Variants in RBFOX1 observed in about 807,000 individuals in gnomAD.
RBFOX1 encodes RNA binding fox-1 homolog 1.
In RBFOX1, 8 loss-of-function variants were observed where a neutral mutation model predicts 57.7. The ratio of observed to expected loss-of-function variants is 0.14; its 90% CI spans 0.08 to 0.25. The LOEUF (loss-of-function observed/expected upper bound fraction) is 0.25, where lower values mean the gene tolerates loss of function less well. Among genes scored for constraint, RBFOX1 ranks in the 10% least tolerant of loss-of-function variants. RBFOX1 has a pLI of 1.00. For missense variants in RBFOX1, 611 were observed against 548.5 expected, an observed-to-expected ratio of 1.11 and a Z score of -1.14; for synonymous variants, 326 against 222.4, an observed-to-expected ratio of 1.47 and a Z score of -4.15.
At chr16:6,303,347 T>TAAA (rs1248877331) in intron 1 of RBFOX1, among the ~76,000 whole-genome samples, 1,897 of 151,784 alleles carry the variant, frequency 0.012, 37 homozygotes, top group African/African-American at 0.04. Flanking sequence ...TTTTTTTTTT[T>TAAA]AAAAAATCGA....
intron 3 of RBFOX1, among the ~76,000 whole-genome samples, chr16:6,665,376 G>C (rs2098725496): frequency 6.6e-6 from 1 of 152,202 alleles, no homozygotes; most frequent in Admixed American, 6.5e-5. Flanking sequence ...CCCTTTGGGA[G>C]GCCCAGGTGG....
intron 4 of RBFOX1, among the ~76,000 whole-genome samples, chr16:7,406,697 G>A (rs1421577350): frequency 6.6e-6 from 1 of 152,202 alleles, no homozygotes; most frequent in African/African-American, 2.4e-5. Flanking sequence ...TTCAGTTACT[G>A]CTTTGGCAAA....
At chr16:6,881,186 C>G (rs959357685) in intron 3 of RBFOX1, among the ~76,000 whole-genome samples, 1 of 152,156 alleles carries the variant, frequency 6.6e-6, no homozygotes, top group South Asian at 2.1e-4. Context: ...CATTTGCTCT[C>G]CCAAGCTCAC....
At chr16:5,583,169 T>C (rs1202726472) in intron 2 of RBFOX1, among the ~76,000 whole-genome samples, 1 of 152,196 alleles carries the variant, frequency 6.6e-6, no homozygotes, top group African/African-American at 2.4e-5. Context: ...AGCCATAGAA[T>C]GCCATGCGCA....
chr16:6,571,468 A>G (rs898239659), intron 2 of RBFOX1, among the ~76,000 whole-genome samples: 3 of 152,176 alleles, frequency 2.0e-5, no homozygotes, highest in East Asian at 1.9e-4. Flanking sequence ...TATGCTTCAT[A>G]TAGATTTTCT....
chr16:7,231,888 A>T (rs752964349), intron 4 of RBFOX1, among the ~76,000 whole-genome samples: 2 of 152,226 alleles, frequency 1.3e-5, no homozygotes, highest in Non-Finnish European at 2.9e-5. Flanking sequence ...GGTGGTTGCT[A>T]CAGGCTAGGA....
At chr16:6,645,560 AAAG>A (rs761799147) in intron 2 of RBFOX1, among the ~76,000 whole-genome samples, 10 of 152,166 alleles carry the variant, frequency 6.6e-5, no homozygotes, top group African/African-American at 9.7e-5. Context: ...GTGTAGAAGA[AAAG>A]AAGTCTCTCT....
chr16:6,748,528 T>C (rs13330426), intron 3 of RBFOX1, among the ~76,000 whole-genome samples: 38,433 of 151,948 alleles, frequency 0.25, 5,151 homozygotes, highest in Non-Finnish European at 0.31. Flanking sequence ...TAGCTGGCCA[T>C]GATGGCATGC....
chr16:6,645,603 G>C (rs1055586174), intron 2 of RBFOX1, among the ~76,000 whole-genome samples: 2 of 152,042 alleles, frequency 1.3e-5, no homozygotes, highest in African/African-American at 4.8e-5. Flanking sequence ...TGAAAAGAAC[G>C]GACACATGAG....
At chr16:6,077,317 T>G (rs1165852963) in intron 1 of RBFOX1, among the ~76,000 whole-genome samples, 1 of 81,866 alleles carries the variant, frequency 1.2e-5, no homozygotes, top group Non-Finnish European at 3.3e-5. Context: ...TTGCTTTAGG[T>G]GTTAAAAAAC....
At chr16:6,311,654 G>T (rs1410560465) in intron 1 of RBFOX1, among the ~76,000 whole-genome samples, 1 of 152,178 alleles carries the variant, frequency 6.6e-6, no homozygotes, top group Non-Finnish European at 1.5e-5. Context: ...GATCTTCAGT[G>T]AGTCCAGGAA....
chr16:6,818,117 C>A (rs183010878), intron 3 of RBFOX1, among the ~76,000 whole-genome samples: 4 of 152,106 alleles, frequency 2.6e-5, no homozygotes, highest in African/African-American at 7.2e-5. Flanking sequence ...TCCACCCCTC[C>A]CTCTATGGAA....
Position 6,897,142 on chromosome 16 carries a change from C to G in RBFOX1, c.-15-154915C>G, listed in dbSNP as rs74988817. Among the ~76,000 whole-genome samples the G allele has an allele frequency of 3.7e-4, 57 of 152,324 alleles. No individual in the cohort carries two copies. The East Asian group carries it at 0.01, about 28-fold the overall frequency. ...TAAGAAAACCATTGCTGACAAATAACTTGCCCAAGCTGACACAGCGGCTGT... is the reference window on the plus strand; with the variant it reads ...TAAGAAAACCATTGCTGACAAATAAGTTGCCCAAGCTGACACAGCGGCTGT... On this transcript the variant is annotated intron_variant, in intron 3 of 15. Transcript: ENST00000550418.
chr16:7,391,477 C>A (rs1044991643), intron 4 of RBFOX1, among the ~76,000 whole-genome samples: 9 of 152,200 alleles, frequency 5.9e-5, no homozygotes, highest in Admixed American at 5.9e-4. Context: ...TCCTCCCTTT[C>A]TTGCATAGCT....
intron 3 of RBFOX1, among the ~76,000 whole-genome samples, chr16:6,735,861 C>G (rs1055923790): frequency 3.3e-4 from 50 of 152,050 alleles, no homozygotes; most frequent in Non-Finnish European, 4.6e-4. Context: ...AATTCACAGG[C>G]CCTCCTTCTG....
intron 5 of RBFOX1, among the ~76,000 whole-genome samples, chr16:7,523,645 T>C (rs935943612): frequency 1.3e-5 from 2 of 152,194 alleles, no homozygotes; most frequent in Admixed American, 1.3e-4. Context: ...CATTAGGGGC[T>C]GAAGCAGGTG....
rs1009366728 is a variant in RBFOX1 at position 6,615,397 on chromosome 16, C to A, written c.-63-39206C>A. Among the ~76,000 whole-genome samples, 4 of 152,120 alleles carry A rather than the reference C, an allele frequency of 2.6e-5. 1 individual carries two copies. The highest frequency in any genetic ancestry group is 9.7e-5 in the African/African-American group (4 of 41,422). ...CCAGCCTGGCCAACATGCCAAAACC[C>A]CGTCTCTACTAAAAATACAAAAATT... On this transcript the variant is annotated intron_variant, in intron 2 of 15. Transcript: ENST00000550418.
chr16:6,238,803 A>T (rs1461461787), intron 1 of RBFOX1, among the ~76,000 whole-genome samples: 2 of 152,180 alleles, frequency 1.3e-5, no homozygotes, highest in African/African-American at 2.4e-5. Flanking sequence ...TTTATGGGGT[A>T]CATGAGATGT....
At chr16:6,304,876 C>CAAAAAAAAG (rs1450098466) in intron 1 of RBFOX1, among the ~76,000 whole-genome samples, 8 of 79,676 alleles carry the variant, frequency 1.0e-4, no homozygotes, top group Non-Finnish European at 1.3e-4. Flanking sequence ...GACCCTGTCT[C>CAAAAAAAAG]AAAAAAAAAA....
Sources: allele counts gnomAD v4.1 joint callset (sites outside exome capture counted in the v4.1 genomes callset), GRCh38; gene constraint gnomAD v4.1.1; transcripts MANE v1.5; gene names NCBI Gene and HGNC (gene_info 2026-07-23, HGNC 2026-07-21).